The following WWOX variants were observed in gnomAD, a reference collection of about 807,000 sequenced individuals.
WWOX encodes WW domain containing oxidoreductase, also known as WW domain-containing oxidoreductase.
Under a neutral mutation model 46.2 loss-of-function variants are expected in WWOX, and 69 were observed. The observed-to-expected ratio is 1.49, with a 90% CI of 1.23 to 1.82. WWOX has a LOEUF of 1.82. Among genes scored for constraint, WWOX ranks in the 40% most tolerant of loss-of-function variants. The probability of loss-of-function intolerance (pLI) is 0.00; values close to 1 mark genes in which losing one functional copy is unlikely to be tolerated. For synonymous variants in WWOX, 359 were observed against 202.6 expected (o/e 1.77, Z -6.56); for missense variants, 919 against 542.6 (o/e 1.69, Z -6.89).
chr16:78,468,419 G>A (rs74028470), intron 8 of WWOX, among the ~76,000 whole-genome samples: 4,499 of 152,138 alleles, frequency 0.03, 237 homozygotes, highest in African/African-American at 0.1. Context: ...ATTGCACAGA[G>A]GAACACCACC....
chr16:78,781,264 TA>T (rs2050316825), intron 8 of WWOX, among the ~76,000 whole-genome samples: 1 of 152,188 alleles, frequency 6.6e-6, no homozygotes, highest in Non-Finnish European at 1.5e-5. Flanking sequence ...CACTCAGCTA[TA>T]AATAGAGCTA....
Position 78,481,585 on chromosome 16 carries a change from T to G in WWOX, c.1056+48833T>G, listed in dbSNP as rs144725093. On this transcript the variant is annotated intron_variant, in intron 8 of 8. Coordinates refer to ENST00000566780, the MANE Select transcript of WWOX (RefSeq NM_016373.4). ...TAAAGGGATTTAAAATATTTTCAAG[T>G]ACATCCTGATATCAGCACGTGGTAC... 2.7e-3 allele frequency among the ~76,000 whole-genome samples: 415 copies of G among 151,802 alleles called. 3 individuals are homozygous for G. Among genetic ancestry groups the G allele is most frequent in the Non-Finnish European group, 4.8e-3 (325 of 67,990 alleles).
intron 8 of WWOX, among the ~76,000 whole-genome samples, chr16:78,590,188 A>C (rs554368637): frequency 1.4e-5 from 2 of 145,512 alleles, no homozygotes; most frequent in Non-Finnish European, 3.0e-5. Context: ...GAAATAAAAA[A>C]ATTATAAATA....
At position 78,534,119 on chromosome 16, in the gene WWOX, T is replaced by C. The variant is rs372915392; in HGVS notation, c.1056+101367T>C. Among the ~76,000 whole-genome samples, 6 of 152,178 alleles carry C rather than the reference T, an allele frequency of 3.9e-5. No homozygotes were observed. The East Asian group carries it at 7.7e-4, about 20-fold the overall frequency. On this transcript the variant is annotated intron_variant, in intron 8 of 8. Transcript: ENST00000566780. ...TGAATCCCTGAGTTATAGAAAAATT[T>C]ATTAATAGCGCTATCTGGCTACTTT...
intron 8 of WWOX, among the ~76,000 whole-genome samples, chr16:79,132,459 A>T (rs2049899820): frequency 6.6e-6 from 1 of 152,184 alleles, no homozygotes. Flanking sequence ...TCGTGATTAA[A>T]ATAATGGTAC....
chr16:78,227,924 C>G (rs774081876), intron 5 of WWOX, among the ~76,000 whole-genome samples: 1 of 151,962 alleles, frequency 6.6e-6, no homozygotes, highest in Non-Finnish European at 1.5e-5. Context: ...TCTATTGAAC[C>G]CCAGTGCAGC....
At chr16:78,677,515 A>G (rs550145213) in intron 8 of WWOX, among the ~76,000 whole-genome samples, 1 of 152,302 alleles carries the variant, frequency 6.6e-6, no homozygotes, top group South Asian at 2.1e-4. Context: ...TTCTGTGGTC[A>G]GTTACTCATT....
At chr16:78,164,133 C>A (rs778489913) in intron 4 of WWOX, 50 bp from the exon 5 acceptor site, 10 of 1,515,066 alleles carry the variant, frequency 6.6e-6, no homozygotes, top group Admixed American at 1.7e-5. Context: ...CAACATGACT[C>A]ACTGTGTTGA....
intron 8 of WWOX, among the ~76,000 whole-genome samples, chr16:78,970,024 T>G (rs1567447737): frequency 6.6e-6 from 1 of 151,548 alleles, no homozygotes; most frequent in Non-Finnish European, 1.5e-5. Context: ...AACAAAGCTG[T>G]TAAAAAATTG....
intron 5 of WWOX, among the ~76,000 whole-genome samples, chr16:78,297,051 A>T (rs2079954016): frequency 6.6e-6 from 1 of 152,186 alleles, no homozygotes; most frequent in Non-Finnish European, 1.5e-5. Flanking sequence ...CCCAATAAAA[A>T]TATGTCCTGG....
At chr16:78,992,166 C>A (rs1323952301) in intron 8 of WWOX, among the ~76,000 whole-genome samples, 1 of 152,172 alleles carries the variant, frequency 6.6e-6, no homozygotes, top group African/African-American at 2.4e-5. Context: ...GGTAAAGAAG[C>A]CTGCTTGGGA....
rs180813770 is a variant in WWOX, at chr16:78,518,462, C to T, written c.1056+85710C>T. ...TCGTGAACTCCTGACCTCAAGTGAT[C>T]TGTCCGCCTCGGCCTCCCAAATTGC... On this transcript the variant is annotated intron_variant, in intron 8 of 8. Transcript: ENST00000566780. Among the ~76,000 whole-genome samples, 7 of 152,258 alleles carry T rather than the reference C, an allele frequency of 4.6e-5. No homozygotes were observed. In the East Asian group the frequency reaches 1.4e-3, roughly 29 times the overall value.
chr16:78,930,774 C>T (rs1377054557), intron 8 of WWOX, among the ~76,000 whole-genome samples: 1 of 152,090 alleles, frequency 6.6e-6, no homozygotes, highest in East Asian at 1.9e-4. Flanking sequence ...GGTTCCACGG[C>T]ACCTGTGATG....
intron 8 of WWOX, among the ~76,000 whole-genome samples, chr16:78,718,153 ATC>A (rs970645052): frequency 1.3e-5 from 2 of 148,692 alleles, no homozygotes; most frequent in African/African-American, 5.1e-5. Flanking sequence ...TGTTTATAGT[ATC>A]TCTTTTTTAT....
intron 8 of WWOX, among the ~76,000 whole-genome samples, chr16:78,646,009 A>G (rs1474392792): frequency 6.6e-6 from 1 of 151,086 alleles, no homozygotes; most frequent in Non-Finnish European, 1.5e-5. Context: ...CCCCTTTGTC[A>G]TCTTTTTAGG....
chr16:78,944,030 A>G lies in WWOX; in HGVS notation c.1057-267578A>G, dbSNP rs189402442. Reference sequence around the variant, plus strand: ...AGGAAAGGACGTTTGAAGAAAAACAAATAAACAAAAACACAAAATCAAGGA... The same window carrying G: ...AGGAAAGGACGTTTGAAGAAAAACAGATAAACAAAAACACAAAATCAAGGA... On this transcript the variant is annotated intron_variant, in intron 8 of 8. Coordinates refer to ENST00000566780, the MANE Select transcript of WWOX (RefSeq NM_016373.4). Among the ~76,000 whole-genome samples the G allele has an allele frequency of 1.3e-5, 2 of 152,352 alleles. 1 individual carries two copies. Among genetic ancestry groups the G allele is most frequent in the African/African-American group, 4.8e-5 (2 of 41,576 alleles).
chr16:78,950,110 CAT>C (rs552953323), intron 8 of WWOX, among the ~76,000 whole-genome samples: 11 of 152,258 alleles, frequency 7.2e-5, no homozygotes, highest in African/African-American at 2.6e-4. Context: ...ATATACTGCA[CAT>C]GTTTTTGTTT....
At chr16:78,555,187 A>AAT (rs1173697465) in intron 8 of WWOX, among the ~76,000 whole-genome samples, 1 of 151,108 alleles carries the variant, frequency 6.6e-6, no homozygotes, top group East Asian at 1.9e-4. Context: ...AAAAAAAAAA[A>AAT]AAATTCTAGT....
intron 8 of WWOX, among the ~76,000 whole-genome samples, chr16:78,885,661 T>G (rs16948741): frequency 0.026 from 3,965 of 152,266 alleles, 159 homozygotes; most frequent in African/African-American, 0.085. Context: ...CTGGAGAATT[T>G]ATGTAAATAG....
Sources: gnomAD v4.1 joint callset for allele counts (sites outside exome capture counted in the v4.1 genomes callset) on GRCh38, gnomAD v4.1.1 for gene constraint, MANE v1.5 for transcripts, NCBI Gene and HGNC (gene_info 2026-07-23, HGNC 2026-07-21) for gene names.